Variants in RLF observed in about 807,000 individuals in gnomAD.
The protein encoded by RLF is zinc finger protein Rlf.
Under a neutral mutation model 162.9 loss-of-function variants are expected in RLF, and 7 were observed. That is an observed-to-expected ratio of 0.04 (90% CI 0.02 to 0.08). RLF has a LOEUF of 0.08. Ranked by LOEUF, RLF falls within the 10% of genes least tolerant of loss-of-function variation. RLF has a pLI of 1.00. For missense variants in RLF, 1,664 were observed against 2,244.7 expected, an observed-to-expected ratio of 0.74 and a Z score of 5.23; for synonymous variants, 782 against 791.5, an observed-to-expected ratio of 0.99 and a Z score of 0.20.
At chr1:40,170,541 C>T (rs1248768789) in intron 1 of RLF, among the ~76,000 whole-genome samples, 2 of 152,174 alleles carry the variant, frequency 1.3e-5, no homozygotes, top group South Asian at 4.1e-4. Context: ...TGCCAACTTG[C>T]CCGGCCTCCT....
intron 3 of RLF, among the ~76,000 whole-genome samples, chr1:40,194,110 A>G (rs1040761553): frequency 6.6e-6 from 1 of 152,158 alleles, no homozygotes; most frequent in African/African-American, 2.4e-5. Flanking sequence ...ACCCTTGAAT[A>G]TAAGAACTTT....
chr1:40,168,681 G>A (rs1333766142), intron 1 of RLF, among the ~76,000 whole-genome samples: 1 of 152,066 alleles, frequency 6.6e-6, no homozygotes, highest in African/African-American at 2.4e-5. Context: ...CATATAAAAT[G>A]CATTAAATTT....
chr1:40,205,485 CTTTTTTTTTT>C (rs36038824), intron 5 of RLF, among the ~76,000 whole-genome samples: 3 of 107,054 alleles, frequency 2.8e-5, no homozygotes, highest in South Asian at 3.3e-4. Context: ...TTCCTTCCTT[CTTTTTTTTTT>C]TTTTTTTTTT....
At chr1:40,196,673 T>C (rs1427230375) in intron 4 of RLF, among the ~76,000 whole-genome samples, 1 of 152,078 alleles carries the variant, frequency 6.6e-6, no homozygotes, top group Non-Finnish European at 1.5e-5. Context: ...TTAATTTTTC[T>C]ATTTTTTGTA....
In RLF at chr1:40,239,617, A is replaced by G. The variant is rs774411445; in HGVS notation, c.4915A>G (p.Thr1639Ala). 6.2e-7 allele frequency: 1 copy of G among 1,614,136 alleles called. No individual in the cohort carries two copies. Among genetic ancestry groups the G allele is most frequent in the South Asian group, 1.1e-5 (1 of 91,084 alleles). The change falls in exon 8 of 8, where the codon ACT (threonine) becomes GCT (alanine). Residue 1639 changes from threonine to alanine, a missense_variant. By Grantham distance (58) the Thr-to-Ala change is moderately conservative. This residue lies in a region of RLF where 327 missense variants were observed against 342.7 expected (regional missense o/e 0.95). Transcript: ENST00000372771. ...TGACAGTAGTGCACCCATCCAGAAC[A>G]CTGATTGCTGTCATTCAAGTGAAAG... ...PGDSSAPIQN[T>A]DCCHSSERDG...
intron 6 of RLF, among the ~76,000 whole-genome samples, chr1:40,229,715 A>T (rs1346481872): frequency 6.6e-6 from 1 of 151,842 alleles, no homozygotes; most frequent in East Asian, 1.9e-4. Flanking sequence ...GGCCTCCCAA[A>T]GTGCTGTGAT....
chr1:40,238,101 A>G lies in RLF; in HGVS notation c.3399A>G (p.Gly1133=). Reference sequence around the variant, plus strand: ...AGCCGTTTTTCTGTGAGCTTCAAGGATGCAAATATGAATTTGTGACCAGAG... The same window carrying G: ...AGCCGTTTTTCTGTGAGCTTCAAGGGTGCAAATATGAATTTGTGACCAGAG... ...AAKPFFCELQ[G]CKYEFVTREA... is the part of the protein sequence containing the mutation. Residue 1133 remains glycine (G), a synonymous_variant, in exon 8 of 8, where the codon GGA becomes GGG. Coordinates refer to ENST00000372771, the MANE Select transcript of RLF (RefSeq NM_012421.4). The surrounding 1 kb of genome is among the most constrained non-coding windows in gnomAD (Gnocchi z 5.2). 2.5e-6 allele frequency: 4 copies of G among 1,614,082 alleles called. No individual in the cohort carries two copies. The highest frequency in any genetic ancestry group is 8.5e-7 in the Non-Finnish European group (1 of 1,179,984).
In RLF at chr1:40,236,901, A is replaced by G. The variant is rs771963501; in HGVS notation, c.2199A>G (p.Glu733=). 2 of 1,614,228 alleles carry G rather than the reference A, an allele frequency of 1.2e-6. No individual in the cohort carries two copies. Among genetic ancestry groups the G allele is most frequent in the Admixed American group, 3.3e-5 (2 of 60,034 alleles). ...CTGCTTTTCACCTTCGAGAGCACGA[A>G]CAAGTGCATTGTGGGCCTCAGCCTT... is the stretch of plus-strand genomic sequence containing the variant. ...FMSAFHLREH[E]QVHCGPQPYM... Residue 733 remains glutamate, a synonymous_variant, in exon 8 of 8, where the codon GAA becomes GAG. Coordinates refer to ENST00000372771, the MANE Select transcript of RLF (RefSeq NM_012421.4). The surrounding 1 kb of genome is among the most constrained non-coding windows in gnomAD (Gnocchi z 7.7).
At chr1:40,214,653 C>T (rs1448494556) in intron 5 of RLF, among the ~76,000 whole-genome samples, 1 of 151,998 alleles carries the variant, frequency 6.6e-6, no homozygotes, top group Non-Finnish European at 1.5e-5. Context: ...GGTGAGGTGC[C>T]TCACACCTGT....
chr1:40,202,343 T>C, intron 4 of RLF, 69 bp from the exon 5 acceptor site: 1 of 1,016,170 alleles, frequency 9.8e-7, no homozygotes, highest in Non-Finnish European at 1.4e-6. Context: ...GATCTCAAAC[T>C]TTCATCTTAG....
intron 7 of RLF, among the ~76,000 whole-genome samples, chr1:40,232,667 G>A (rs1643167242): frequency 6.6e-6 from 1 of 152,176 alleles, no homozygotes; most frequent in African/African-American, 2.4e-5. Context: ...GGTGCAACAA[G>A]TTGGTGCTTG....
At chr1:40,186,806 G>T (rs1642487714) in intron 1 of RLF, among the ~76,000 whole-genome samples, 1 of 152,196 alleles carries the variant, frequency 6.6e-6, no homozygotes, top group Non-Finnish European at 1.5e-5. Flanking sequence ...CAGACATTTA[G>T]TGAGACTTGA....
In RLF at chr1:40,239,524, C is replaced by T; in HGVS notation, c.4822C>T (p.Pro1608Ser). The change falls in exon 8 of 8, where the codon CCC (proline) becomes TCC (serine). Residue 1608 changes from proline to serine, a missense_variant. By Grantham distance (74) the Pro-to-Ser change is moderately conservative. Transcript: ENST00000372771. ...IKEEPPSEADPCIKKEENRSC... is the reference protein window; with the variant it reads ...IKEEPPSEADSCIKKEENRSC... The stretch of plus-strand genomic sequence containing the variant: ...GGAGGAACCCCCTTCTGAAGCAGAT[C>T]CCTGTATAAAGAAAGAAGAAAATAG... The T allele has an allele frequency of 6.2e-7, 1 of 1,614,012 alleles. No homozygotes were observed. Among genetic ancestry groups the T allele is most frequent in the South Asian group, 1.1e-5 (1 of 91,074 alleles).
At position 40,239,189 on chromosome 1, in the gene RLF, C is replaced by T; in HGVS notation, c.4487C>T (p.Thr1496Ile). ...CTAAGGAGTGAAAAGGTATGTCAAA[C>T]AGCTGATACTCAGGGGCATGAACAT... ...RLLRSEKVCQ[T>I]ADTQGHEHQT... is the part of the protein sequence containing the mutation. The change falls in exon 8 of 8, where the codon ACA becomes ATA. Residue 1496 changes from threonine to isoleucine, a missense_variant. By Grantham distance (89) the Thr-to-Ile change is moderately conservative. This residue lies in a region of RLF where 200 missense variants were observed against 207.3 expected (regional missense o/e 0.96). Transcript: ENST00000372771. 6.2e-7 allele frequency: 1 copy of T among 1,614,078 alleles called. No individual in the cohort carries two copies. The highest frequency in any genetic ancestry group is 1.1e-5 in the South Asian group (1 of 91,078).
chr1:40,237,535 A>T lies in RLF; in HGVS notation c.2833A>T (p.Met945Leu), dbSNP rs755890051. 5 of 1,614,150 alleles carry T rather than the reference A, an allele frequency of 3.1e-6. No individual in the cohort carries two copies. The East Asian group carries it at 1.1e-4, about 36-fold the overall frequency. The part of the protein sequence containing the change: ...PSSLKEKCSS[M>L]AVCFDGTKFT... ...CAGTTTAAAAGAAAAATGTTCCAGT[A>T]TGGCAGTTTGTTTTGACGGGACTAA... is the stretch of plus-strand genomic sequence containing the variant. Residue 945 changes from methionine to leucine, a missense_variant, in exon 8 of 8, where the codon ATG becomes TTG. Met to Leu is a conservative substitution (Grantham distance 15). Transcript: ENST00000372771. This position sits in a 1 kb window ranked among gnomAD's most constrained non-coding sequence, Gnocchi z 4.4.
chr1:40,210,183 T>A (rs975029087), intron 5 of RLF, among the ~76,000 whole-genome samples: 3 of 152,238 alleles, frequency 2.0e-5, no homozygotes, highest in Admixed American at 6.5e-5. Context: ...TTGTTTCTAA[T>A]GTTGTATTAG....
At chr1:40,217,764 G>A (rs1189887021) in intron 5 of RLF, among the ~76,000 whole-genome samples, 1 of 151,866 alleles carries the variant, frequency 6.6e-6, no homozygotes, top group Non-Finnish European at 1.5e-5. Context: ...AGAGCAATCC[G>A]TCTCAAAAAA....
intron 5 of RLF, among the ~76,000 whole-genome samples, chr1:40,204,212 T>A (rs1425882400): frequency 6.6e-6 from 1 of 152,080 alleles, no homozygotes; most frequent in African/African-American, 2.4e-5. Flanking sequence ...AGATGGGGTT[T>A]CACCATCTTG....
chr1:40,234,755 T>C lies in RLF; in HGVS notation c.1090-1037T>C, dbSNP rs567913262. 3.9e-5 allele frequency among the ~76,000 whole-genome samples: 6 copies of C among 152,350 alleles called. No homozygotes were observed. The South Asian group carries it at 1.2e-3, about 32-fold the overall frequency. The stretch of plus-strand genomic sequence containing the variant: ...GTGCGTTTTAAGCCACTCTGACATA[T>C]CTTGCTTTTCTTTGCTCATGTCATT... On this transcript the variant is annotated intron_variant, in intron 7 of 7. Coordinates refer to ENST00000372771, the MANE Select transcript of RLF (RefSeq NM_012421.4).
Sources: allele counts gnomAD v4.1 joint callset (sites outside exome capture counted in the v4.1 genomes callset), GRCh38; gene constraint gnomAD v4.1.1; regional missense constraint gnomAD v4.1.1; non-coding constraint Gnocchi (gnomAD v3.1); transcripts MANE v1.5; gene names NCBI Gene and HGNC (gene_info 2026-07-23, HGNC 2026-07-21).